The following TRHDE variants were observed in gnomAD, a reference collection of about 807,000 sequenced individuals.
The protein encoded by TRHDE is thyrotropin-releasing hormone-degrading ectoenzyme.
A neutral mutation model predicts 125.7 loss-of-function variants in TRHDE; 72 were observed. That is an observed-to-expected ratio of 0.57 (90% CI 0.47 to 0.70). The LOEUF is 0.70. Among genes scored for constraint, TRHDE ranks in the 30% least tolerant of loss-of-function variants. The pLI, the probability that TRHDE is intolerant of heterozygous loss-of-function variation, is 0.00. For missense variants in TRHDE, 1,110 were observed against 1,327.1 expected (o/e 0.84, Z 2.54); for synonymous variants, 509 against 509.1 (o/e 1.00, Z 0.00).
intron 7 of TRHDE, among the ~76,000 whole-genome samples, chr12:72,548,996 G>A (rs1207250776): frequency 6.6e-6 from 1 of 151,784 alleles, no homozygotes; most frequent in Non-Finnish European, 1.5e-5. Context: ...AATAAAGAAA[G>A]ATTTATCTTG....
chr12:72,534,389 G>C (rs115693006), intron 6 of TRHDE, among the ~76,000 whole-genome samples: 94 of 152,142 alleles, frequency 6.2e-4, no homozygotes, highest in African/African-American at 2.1e-3. Flanking sequence ...CTTGTTGCTG[G>C]TATCTATGGT....
At chr12:72,192,440 G>A (rs1877359352) in intron 2 of TRHDE, among the ~76,000 whole-genome samples, 1 of 152,092 alleles carries the variant, frequency 6.6e-6, no homozygotes, top group Admixed American at 6.6e-5. Flanking sequence ...TTTGGATACT[G>A]CATCTAACCG....
At chr12:72,349,669 A>G (rs1870494360) in intron 2 of TRHDE, among the ~76,000 whole-genome samples, 1 of 152,004 alleles carries the variant, frequency 6.6e-6, no homozygotes, top group African/African-American at 2.4e-5. Context: ...GAGGATGATG[A>G]TTTGTGACTG....
At chr12:72,309,669 T>C (rs538190680) in intron 2 of TRHDE, 89 of 135,654 alleles carry the variant, frequency 6.6e-4, no homozygotes, top group African/African-American at 2.1e-3. Flanking sequence ...AAGAAAAAAA[T>C]ATAAAAGGGT....
chr12:72,325,647 G>A (rs1869305751), intron 2 of TRHDE, among the ~76,000 whole-genome samples: 1 of 151,746 alleles, frequency 6.6e-6, no homozygotes, highest in African/African-American at 2.4e-5. Context: ...ATTATTTTCA[G>A]TCTTTCTGTG....
intron 2 of TRHDE, among the ~76,000 whole-genome samples, chr12:72,370,440 G>T (rs1240109214): frequency 1.3e-5 from 2 of 152,078 alleles, no homozygotes; most frequent in African/African-American, 4.8e-5. Context: ...TCATTCTATG[G>T]CTTAAAATCT....
intron 3 of TRHDE, among the ~76,000 whole-genome samples, chr12:72,414,640 A>C (rs1191897411): frequency 6.6e-6 from 1 of 152,106 alleles, no homozygotes; most frequent in Non-Finnish European, 1.5e-5. Flanking sequence ...TAATTACTAT[A>C]ATAACCTACT....
At chr12:72,554,670 G>C (rs1341310612) in intron 7 of TRHDE, among the ~76,000 whole-genome samples, 12 of 152,216 alleles carry the variant, frequency 7.9e-5, no homozygotes, top group African/African-American at 2.2e-4. Context: ...GGTGATCAAA[G>C]CCCTTGATCA....
intron 12 of TRHDE, chr12:72,582,504 G>A (rs1871281273): frequency 2.0e-6 from 2 of 985,248 alleles, no homozygotes; most frequent in Admixed American, 6.1e-5. Context: ...CTTGTACCTC[G>A]TTTAAGGTTT....
chr12:72,594,295 G>T (rs1248493346), intron 12 of TRHDE, among the ~76,000 whole-genome samples: 1 of 151,960 alleles, frequency 6.6e-6, no homozygotes, highest in Non-Finnish European at 1.5e-5. Flanking sequence ...TGTGTCTGTT[G>T]GTTGCATAAA....
chr12:72,322,755 A>T (rs1027408750), intron 2 of TRHDE, among the ~76,000 whole-genome samples: 2 of 152,168 alleles, frequency 1.3e-5, no homozygotes, highest in East Asian at 1.9e-4. Context: ...CCACTTTGGT[A>T]TTGGAAGAAA....
At chr12:72,236,348 A>G (rs1878337191) in intron 2 of TRHDE, among the ~76,000 whole-genome samples, 1 of 152,186 alleles carries the variant, frequency 6.6e-6, no homozygotes, top group Admixed American at 6.6e-5. Flanking sequence ...AAAGCAGTTC[A>G]ATCACATCAA....
chr12:72,317,692 G>A (rs1490322191), intron 2 of TRHDE, among the ~76,000 whole-genome samples: 1 of 152,146 alleles, frequency 6.6e-6, no homozygotes, highest in Non-Finnish European at 1.5e-5. Flanking sequence ...TTTAAACATA[G>A]CAACAGGTGT....
intron 2 of TRHDE, among the ~76,000 whole-genome samples, chr12:72,217,433 G>A (rs1282642832): frequency 2.0e-5 from 3 of 152,134 alleles, no homozygotes; most frequent in South Asian, 2.1e-4. Flanking sequence ...AAAAGCCAAA[G>A]ATCATTTACT....
chr12:72,632,726 T>C (rs1873547538), intron 15 of TRHDE, among the ~76,000 whole-genome samples: 1 of 135,330 alleles, frequency 7.4e-6, no homozygotes, highest in Non-Finnish European at 1.5e-5. Context: ...TGTTTAACAT[T>C]GGACCAAAAA....
chr12:72,196,577 G>A (rs1877446998), intron 2 of TRHDE, among the ~76,000 whole-genome samples: 1 of 151,948 alleles, frequency 6.6e-6, no homozygotes. Flanking sequence ...TTCATAGAAT[G>A]AACTCTTAAA....
intron 6 of TRHDE, among the ~76,000 whole-genome samples, chr12:72,522,050 A>G (rs1212094757): frequency 6.6e-6 from 1 of 152,212 alleles, no homozygotes; most frequent in Non-Finnish European, 1.5e-5. Flanking sequence ...ATATTAAGTC[A>G]TTTAATTCTT....
chr12:72,644,586 C>T lies in TRHDE; in HGVS notation c.2676-7736C>T, dbSNP rs117082281. On this transcript the variant is annotated intron_variant, in intron 15 of 18. Coordinates refer to ENST00000261180, the MANE Select transcript of TRHDE (RefSeq NM_013381.3). ...GCCCAAAGAATGAGCATTTGCTTTA[C>T]TAGTCTTGGAGCTCTGACAGATCTG... Among the ~76,000 whole-genome samples, 49 of 152,300 alleles carry T rather than the reference C, an allele frequency of 3.2e-4. No individual in the cohort carries two copies. In the East Asian group the frequency reaches 6.4e-3, roughly 20 times the overall value.
intron 2 of TRHDE, chr12:72,253,732 G>GT: frequency 6.6e-6 from 1 of 152,162 alleles, no homozygotes; most frequent in Admixed American, 6.6e-5. Context: ...AACTTGCTGA[G>GT]AGTTTTTAAT....
Sources: gnomAD v4.1 joint callset for allele counts (sites outside exome capture counted in the v4.1 genomes callset) on GRCh38, gnomAD v4.1.1 for gene constraint, MANE v1.5 for transcripts, NCBI Gene and HGNC (gene_info 2026-07-23, HGNC 2026-07-21) for gene names.